Variants in ANKRD28 observed in about 807,000 individuals in gnomAD.
ANKRD28 encodes the protein ankyrin repeat domain 28, also known as serine/threonine-protein phosphatase 6 regulatory ankyrin repeat subunit A.
ANKRD28 carries 44 observed loss-of-function variants against 126.5 expected under a neutral mutation model. The ratio of observed to expected loss-of-function variants is 0.35; its 90% confidence interval spans 0.27 to 0.45. The LOEUF is 0.45. Among genes scored for constraint, ANKRD28 ranks in the 20% least tolerant of loss-of-function variants. ANKRD28 has a pLI of 1.00. For missense variants in ANKRD28, 1,110 were observed against 1,316.6 expected, an observed-to-expected ratio of 0.84 and a Z score of 2.43; for synonymous variants, 442 against 468.5, an observed-to-expected ratio of 0.94 and a Z score of 0.73.
At chr3:15,725,390 C>T (rs1044729679) in intron 6 of ANKRD28, among the ~76,000 whole-genome samples, 3 of 152,104 alleles carry the variant, frequency 2.0e-5, no homozygotes, top group African/African-American at 7.2e-5. Flanking sequence ...CTTCCTTTTG[C>T]CTAGATCTTG....
intron 1 of ANKRD28, among the ~76,000 whole-genome samples, chr3:15,842,425 C>T (rs138174873): frequency 6.9e-5 from 10 of 145,078 alleles, no homozygotes; most frequent in East Asian, 2.0e-4. Flanking sequence ...CATCCTTTCT[C>T]AGAGGCTGGG....
At chr3:15,811,783 A>C (rs2060717895) in intron 1 of ANKRD28, among the ~76,000 whole-genome samples, 1 of 151,930 alleles carries the variant, frequency 6.6e-6, no homozygotes, top group Non-Finnish European at 1.5e-5. Flanking sequence ...CTTTATTTTA[A>C]CCTTATAAAT....
intron 1 of ANKRD28, among the ~76,000 whole-genome samples, chr3:15,851,492 C>T (rs2061649060): frequency 1.3e-5 from 2 of 151,766 alleles, no homozygotes; most frequent in Non-Finnish European, 1.5e-5. Flanking sequence ...TGCAGTGAGC[C>T]GTGATCATGC....
rs938035856 is a variant in ANKRD28 at position 15,830,647 on chromosome 3, A to T, written c.27+28730T>A. Among the ~76,000 whole-genome samples the T allele has an allele frequency of 2.0e-5, 3 of 150,638 alleles. No homozygotes were observed. Among genetic ancestry groups the T allele is most frequent in the Non-Finnish European group, 4.4e-5 (3 of 67,662 alleles). On this transcript the variant is annotated intron_variant, in intron 1 of 27. Coordinates refer to the ANKRD28 transcript ENST00000399451. The surrounding 1 kb of genome is among the most constrained non-coding windows in gnomAD (Gnocchi z 4.5). Reference sequence around the variant, plus strand: ...GTCCCTGGTGCCAAAAACACTGGGGACTGCTGCAGTAATGGATTAATTTTG... The same window carrying T: ...GTCCCTGGTGCCAAAAACACTGGGGTCTGCTGCAGTAATGGATTAATTTTG...
intron 2 of ANKRD28, among the ~76,000 whole-genome samples, chr3:15,782,968 A>T (rs1378728090): frequency 6.6e-6 from 1 of 152,120 alleles, no homozygotes; most frequent in East Asian, 1.9e-4. Flanking sequence ...TTGTTGATAA[A>T]TGTGAAACTT....
At chr3:15,731,485 G>A (rs532705512) in intron 6 of ANKRD28, among the ~76,000 whole-genome samples, 32 of 152,306 alleles carry the variant, frequency 2.1e-4, no homozygotes, top group African/African-American at 7.5e-4. Flanking sequence ...ACTACAGGCT[G>A]TGAGAAAGGG....
chr3:15,769,457 A>G (rs2058895664), intron 2 of ANKRD28, among the ~76,000 whole-genome samples: 1 of 152,230 alleles, frequency 6.6e-6, no homozygotes, highest in Non-Finnish European at 1.5e-5. Flanking sequence ...TTTTAAAAAA[A>G]GCCTACATAT....
In ANKRD28 at chr3:15,814,342, T is replaced by C. The variant is rs1305756048; in HGVS notation, c.28-19036A>G. 3 of 1,165,958 alleles carry C rather than the reference T, an allele frequency of 2.6e-6. No individual in the cohort carries two copies. The highest frequency in any genetic ancestry group is 6.1e-5 in the East Asian group (1 of 16,300). The allele number at this position is 1,165,958 out of a possible 1,614,324, so 72.2% of individuals were successfully genotyped here. The stretch of plus-strand genomic sequence containing the variant: ...AGAAAACAGATATCAAAAGAAAGAA[T>C]ACGCTGATCCTAGAAATTAAGGGCT... On this transcript the variant is annotated intron_variant, in intron 1 of 27. Transcript: ENST00000399451. This position sits in a 1 kb window ranked among gnomAD's most constrained non-coding sequence, Gnocchi z 4.7.
At chr3:15,771,189 C>T in intron 2 of ANKRD28, among the ~76,000 whole-genome samples, 1 of 152,084 alleles carries the variant, frequency 6.6e-6, no homozygotes, top group Non-Finnish European at 1.5e-5. Context: ...GCGGGCGGAT[C>T]ACCTGAGGAC....
chr3:15,785,550 A>G (rs1464511113), intron 2 of ANKRD28, among the ~76,000 whole-genome samples: 1 of 152,160 alleles, frequency 6.6e-6, no homozygotes, highest in African/African-American at 2.4e-5. Context: ...AAAATCCAGA[A>G]CACTGATAAC....
rs531596972 is a variant in ANKRD28, at chr3:15,854,506, C to G, written c.27+4871G>C. Among the ~76,000 whole-genome samples the G allele has an allele frequency of 4.5e-4, 68 of 152,344 alleles. No homozygotes were observed. Among genetic ancestry groups the G allele is most frequent in the African/African-American group, 1.6e-3 (67 of 41,576 alleles). On this transcript the variant is annotated intron_variant, in intron 1 of 27. Coordinates refer to the ANKRD28 transcript ENST00000399451. The surrounding 1 kb of genome is among the most constrained non-coding windows in gnomAD (Gnocchi z 4.1). ...CATGTTATCTGCACCTCTTACAGAG[C>G]TCACCAGGTTCTATTTTGTATTGCA...
At position 15,737,058 on chromosome 3, in the gene ANKRD28, T is replaced by C; in HGVS notation, c.527A>G (p.His176Arg). 3 of 1,614,026 alleles carry C rather than the reference T, an allele frequency of 1.9e-6. No individual in the cohort carries two copies. Among genetic ancestry groups the C allele is most frequent in the Non-Finnish European group, 2.5e-6 (3 of 1,179,886 alleles). The change falls in exon 5 of 28, where the codon CAT becomes CGT. Residue 176 changes from histidine to arginine, a missense_variant. By Grantham distance (29) the His-to-Arg change is conservative. Coordinates refer to ENST00000683139, the MANE Select transcript of ANKRD28 (RefSeq NM_001349278.2). ...SDRAGRTALH[H>R]AAFSGHGEMV... is the part of the protein sequence containing the mutation. ...CTCACCATGTCCACTGAAAGCTGCA[T>C]GATGTAATGCAGTCCTCCCTGCTCG...
chr3:15,686,206 A>G lies in ANKRD28; in HGVS notation c.2051+16T>C, dbSNP rs758170374. On this transcript the variant is annotated intron_variant, in intron 19 of 27. Transcript: ENST00000683139. ...TACGCCCTTCTGTGATGCAACAATT[A>G]TTTATCGAAACTTACTGTCCATTTC... 1 of 1,589,310 alleles carries G rather than the reference A, an allele frequency of 6.3e-7. No homozygotes were observed. Among genetic ancestry groups the G allele is most frequent in the Admixed American group, 1.8e-5 (1 of 55,752 alleles).
rs922067315 is a variant in ANKRD28, at chr3:15,699,883, G to A, written c.1548-3638C>T. ...CATTTGACCCAGCCATCCCATTACT[G>A]GGTATATACCCAAAGGATTATAAAT... On this transcript the variant is annotated intron_variant, in intron 14 of 27. Coordinates refer to ENST00000683139, the MANE Select transcript of ANKRD28 (RefSeq NM_001349278.2). Among the ~76,000 whole-genome samples the A allele has an allele frequency of 3.9e-5, 6 of 152,250 alleles. No individual in the cohort carries two copies. In the South Asian group the frequency reaches 1.0e-3, roughly 26 times the overall value.
In ANKRD28 at chr3:15,677,067, G is replaced by A. The variant is rs1468430330; in HGVS notation, c.2791-11C>T. 3 of 1,608,376 alleles carry A rather than the reference G, an allele frequency of 1.9e-6. No individual in the cohort carries two copies. The highest frequency in any genetic ancestry group is 1.7e-6 in the Non-Finnish European group (2 of 1,175,812). On this transcript the variant is annotated splice_polypyrimidine_tract_variant and intron_variant, in intron 25 of 27. Coordinates refer to ENST00000683139, the MANE Select transcript of ANKRD28 (RefSeq NM_001349278.2). Reference sequence around the variant, plus strand: ...ACTAGTTTCATGACCCTATAATTGTGGCAGATAAGTTATAAAAACTTGAGC... The same window carrying A: ...ACTAGTTTCATGACCCTATAATTGTAGCAGATAAGTTATAAAAACTTGAGC...
rs567287175 is a variant in ANKRD28, at chr3:15,845,577, A to G, written c.27+13800T>C. Among the ~76,000 whole-genome samples the G allele has an allele frequency of 2.0e-5, 3 of 152,300 alleles. No homozygotes were observed. The highest frequency in any genetic ancestry group is 7.2e-5 in the African/African-American group (3 of 41,564). On this transcript the variant is annotated intron_variant, in intron 1 of 27. Transcript: ENST00000399451. The surrounding 1 kb of genome is among the most constrained non-coding windows in gnomAD (Gnocchi z 4.9). ...TGACTAATACCACACTTGCTATTCT[A>G]TCTGGTTTCAACTCCACTGCTCACT...
At chr3:15,700,714 C>T (rs2070451932) in intron 14 of ANKRD28, among the ~76,000 whole-genome samples, 1 of 152,086 alleles carries the variant, frequency 6.6e-6, no homozygotes, top group Non-Finnish European at 1.5e-5. Context: ...GCGGAGGTTG[C>T]AGTGAGCAGA....
intron 8 of ANKRD28, among the ~76,000 whole-genome samples, chr3:15,719,205 G>A (rs2073421871): frequency 6.6e-6 from 1 of 152,088 alleles, no homozygotes; most frequent in Admixed American, 6.6e-5. Flanking sequence ...TTAAAGCAAT[G>A]GCCTAATTAC....
chr3:15,815,750 C>T lies in ANKRD28; in HGVS notation c.28-20444G>A, dbSNP rs922416048. ...AGTTGGAGGAAGGTCAGCTATAGTT[C>T]TAAACATAAAAATCTGTTATTTCTT... is the stretch of plus-strand genomic sequence containing the variant. On this transcript the variant is annotated intron_variant, in intron 1 of 27. Coordinates refer to the ANKRD28 transcript ENST00000399451. This position sits in a 1 kb window ranked among gnomAD's most constrained non-coding sequence, Gnocchi z 4.1. 6.6e-6 allele frequency among the ~76,000 whole-genome samples: 1 copy of T among 152,108 alleles called. No homozygotes were observed. The highest frequency in any genetic ancestry group is 1.5e-5 in the Non-Finnish European group (1 of 68,016).
Sources: gnomAD v4.1 joint callset for allele counts (sites outside exome capture counted in the v4.1 genomes callset) on GRCh38, gnomAD v4.1.1 for gene constraint, Gnocchi (gnomAD v3.1) non-coding constraint, MANE v1.5 for transcripts, NCBI Gene and HGNC (gene_info 2026-07-23, HGNC 2026-07-21) for gene names.